Variants in ASAP2 observed in about 807,000 individuals in gnomAD.
ASAP2 encodes the protein ArfGAP with SH3 domain, ankyrin repeat and PH domain 2, also known as arf-GAP with SH3 domain, ANK repeat and PH domain-containing protein 2.
Under a neutral mutation model 131.4 loss-of-function variants are expected in ASAP2, and 45 were observed. That is an observed-to-expected ratio of 0.34 (90% CI 0.27 to 0.44). The LOEUF (loss-of-function observed/expected upper bound fraction) is 0.44. ASAP2 is among the 20% of genes least tolerant of loss of function. The pLI, the probability that ASAP2 is intolerant of heterozygous loss-of-function variation, is 1.00. For synonymous variants in ASAP2, 510 were observed against 503.0 expected (o/e 1.01, Z -0.19); for missense variants, 1,011 against 1,297.0 (o/e 0.78, Z 3.39).
chr2:9,378,959 A>G lies in ASAP2; in HGVS notation c.1848A>G (p.Lys616=). Residue 616 remains lysine (K), a synonymous_variant, in exon 19 of 28, where the codon AAA becomes AAG. Coordinates refer to ENST00000281419, the MANE Select transcript of ASAP2 (RefSeq NM_003887.3). The part of the protein sequence containing the change: ...FLVQNSGNLD[K]QTGKGSTALH... The stretch of plus-strand genomic sequence containing the variant: ...TCTCGGGCAGTGGGAACCTGGATAA[A>G]CAGACAGGGAAAGGCAGCACAGCCC... The G allele has an allele frequency of 1.3e-6, 2 of 1,491,562 alleles. No homozygotes were observed. Among genetic ancestry groups the G allele is most frequent in the South Asian group, 1.4e-5 (1 of 73,744 alleles). 92.4% of individuals were successfully genotyped at this position (1,491,562 alleles called of 1,614,324 possible). A position where few individuals can be genotyped will look rare whatever the true frequency, so the allele number is the denominator to read the frequency against.
chr2:9,344,768 A>T lies in ASAP2; in HGVS notation c.991A>T (p.Lys331Ter). The change falls in exon 11 of 28, where the codon AAA (lysine) becomes TAA (stop). Residue 331 changes from lysine (K) to a stop codon, truncating the protein, a stop_gained. Transcript: ENST00000281419. LOFTEE classifies it high-confidence loss of function. ...GTGGCAGAAAAGGAAATGTTCAGTT[A>T]AAAATGGTTTTCTGACCATATCCCA... is the stretch of plus-strand genomic sequence containing the variant. ...KVWQKRKCSV[K>*]NGFLTISHGT... 6.2e-7 allele frequency: 1 copy of T among 1,614,144 alleles called. No homozygotes were observed. The highest frequency in any genetic ancestry group is 8.5e-7 in the Non-Finnish European group (1 of 1,179,972).
At chr2:9,326,756 G>A (rs1053750100) in intron 6 of ASAP2, among the ~76,000 whole-genome samples, 1 of 152,038 alleles carries the variant, frequency 6.6e-6, no homozygotes, top group Non-Finnish European at 1.5e-5. Flanking sequence ...TGGCTTAGTG[G>A]CCGCACAGTA....
chr2:9,293,542 G>C (rs1021591162), intron 2 of ASAP2, among the ~76,000 whole-genome samples: 4 of 152,122 alleles, frequency 2.6e-5, no homozygotes, highest in African/African-American at 9.7e-5. Context: ...TTTATTTTAG[G>C]TTCCTGTTTT....
chr2:9,214,306 C>T (rs1430221775), intron 1 of ASAP2, among the ~76,000 whole-genome samples: 1 of 152,112 alleles, frequency 6.6e-6, no homozygotes, highest in South Asian at 2.1e-4. Context: ...GGTGCGATCT[C>T]GGTTCACTGC....
chr2:9,215,074 G>T (rs1055314084), intron 1 of ASAP2, among the ~76,000 whole-genome samples: 10 of 152,134 alleles, frequency 6.6e-5, no homozygotes, highest in Non-Finnish European at 7.3e-5. Context: ...CACCCAGATG[G>T]CATGCAGGCA....
In ASAP2 at chr2:9,207,023, C is replaced by A. The variant is rs2147907181; in HGVS notation, c.-82C>A. ...GGAGCGGCGGCGGCAGCGGCGGTGT[C>A]CGAGCGGCGGTCGGAGCCTGCTGCG... is the stretch of plus-strand genomic sequence containing the variant. On this transcript the variant is annotated 5_prime_UTR_variant, in exon 1 of 28. Coordinates refer to ENST00000281419, the MANE Select transcript of ASAP2 (RefSeq NM_003887.3). The surrounding 1 kb of genome is among the most constrained non-coding windows in gnomAD (Gnocchi z 4.1). 3.5e-6 allele frequency: 4 copies of A among 1,143,910 alleles called. No homozygotes were observed. Among genetic ancestry groups the A allele is most frequent in the East Asian group, 8.7e-5 (2 of 22,914 alleles). 70.9% of individuals were successfully genotyped at this position (1,143,910 alleles called of 1,614,324 possible).
chr2:9,324,839 T>A (rs1214722261), intron 6 of ASAP2, among the ~76,000 whole-genome samples: 1 of 152,216 alleles, frequency 6.6e-6, no homozygotes, highest in Non-Finnish European at 1.5e-5. Flanking sequence ...AGATAATATA[T>A]ATAGCTGGAT....
chr2:9,372,996 T>A (rs1462635776), intron 16 of ASAP2, among the ~76,000 whole-genome samples: 1 of 152,190 alleles, frequency 6.6e-6, no homozygotes, highest in Non-Finnish European at 1.5e-5. Context: ...GAGGGCCTGT[T>A]GTGCCTACAG....
intron 9 of ASAP2, among the ~76,000 whole-genome samples, chr2:9,336,790 G>C (rs1246691020): frequency 6.6e-6 from 1 of 152,250 alleles, no homozygotes; most frequent in Non-Finnish European, 1.5e-5. Flanking sequence ...ACGAGGAGGA[G>C]GTAGTGCGAG....
chr2:9,286,292 G>A (rs1667454407), intron 2 of ASAP2, among the ~76,000 whole-genome samples: 1 of 152,036 alleles, frequency 6.6e-6, no homozygotes, highest in South Asian at 2.1e-4. Context: ...CAGCTGTTTG[G>A]GAGGGTGAGG....
At chr2:9,279,494 C>A in intron 2 of ASAP2, 105 bp downstream of exon 2, 1 of 1,026,438 alleles carries the variant, frequency 9.7e-7, no homozygotes, top group East Asian at 2.4e-5. Context: ...AGCTAGACTC[C>A]TTTATCGGGG....
At chr2:9,298,764 C>T (rs999675573) in intron 3 of ASAP2, among the ~76,000 whole-genome samples, 16 of 152,208 alleles carry the variant, frequency 1.1e-4, no homozygotes, top group African/African-American at 2.4e-5. Context: ...AGTTGGCTGC[C>T]TGCTCTCCCC....
intron 1 of ASAP2, among the ~76,000 whole-genome samples, chr2:9,260,419 A>G (rs1466299008): frequency 1.3e-5 from 1 of 77,182 alleles, no homozygotes; most frequent in Non-Finnish European, 2.7e-5. Context: ...TGGATTGTAG[A>G]AAAATGAAAG....
chr2:9,322,492 AT>A (rs1670216890), intron 5 of ASAP2, among the ~76,000 whole-genome samples: 1 of 150,282 alleles, frequency 6.7e-6, no homozygotes, highest in African/African-American at 2.5e-5. Context: ...ACTCACGGCT[AT>A]TTCAAGCCCA....
chr2:9,378,891 G>A, intron 18 of ASAP2, 53 bp from the exon 19 acceptor site: 3 of 1,294,568 alleles, frequency 2.3e-6, no homozygotes, highest in Non-Finnish European at 3.0e-6. Context: ...GCAGTCCCTG[G>A]TCGTCCAGCC....
chr2:9,253,302 T>C (rs1664853891), intron 1 of ASAP2, among the ~76,000 whole-genome samples: 1 of 152,088 alleles, frequency 6.6e-6, no homozygotes, highest in Non-Finnish European at 1.5e-5. Flanking sequence ...TAGCTGGGAT[T>C]ACAGGTGCCC....
chr2:9,269,154 C>T (rs1276930355), intron 1 of ASAP2, among the ~76,000 whole-genome samples: 9 of 150,304 alleles, frequency 6.0e-5, no homozygotes, highest in Non-Finnish European at 1.0e-4. Context: ...TAAATATCTA[C>T]AAATTTTTTA....
At chr2:9,227,038 C>G (rs73912992) in intron 1 of ASAP2, among the ~76,000 whole-genome samples, 1 of 152,092 alleles carries the variant, frequency 6.6e-6, no homozygotes, top group African/African-American at 2.4e-5. Context: ...TGCTCCCTGG[C>G]GAGAAGGAAG....
intron 3 of ASAP2, among the ~76,000 whole-genome samples, chr2:9,302,267 C>T (rs902028483): frequency 3.4e-5 from 5 of 147,176 alleles, no homozygotes; most frequent in South Asian, 2.2e-4. Context: ...CTGCCTCTCG[C>T]GTTCAAGCGA....
Sources: allele counts gnomAD v4.1 joint callset (sites outside exome capture counted in the v4.1 genomes callset), GRCh38; gene constraint gnomAD v4.1.1; non-coding constraint Gnocchi (gnomAD v3.1); transcripts MANE v1.5; gene names NCBI Gene and HGNC (gene_info 2026-07-23, HGNC 2026-07-21).